Variants in NBEA observed in about 807,000 individuals in gnomAD.
The protein encoded by NBEA is neurobeachin.
A neutral mutation model predicts 343.4 loss-of-function variants in NBEA; 44 were observed. That is an observed-to-expected ratio of 0.13 (90% CI 0.10 to 0.16). The LOEUF (loss-of-function observed/expected upper bound fraction) is 0.16, where lower values mean the gene tolerates loss of function less well. Among genes scored for constraint, NBEA ranks in the 10% least tolerant of loss-of-function variants. The pLI, the probability that NBEA is intolerant of heterozygous loss-of-function variation, is 1.00. For synonymous variants in NBEA, 1,175 were observed against 1,238.7 expected (o/e 0.95, Z 1.08); for missense variants, 2,555 against 3,631.3 (o/e 0.70, Z 7.62).
In NBEA at chr13:35,050,309, G is replaced by C; in HGVS notation, c.886G>C (p.Val296Leu). The C allele has an allele frequency of 6.2e-7, 1 of 1,608,996 alleles. No homozygotes were observed. The highest frequency in any genetic ancestry group is 8.5e-7 in the Non-Finnish European group (1 of 1,177,990). Reference sequence around the variant, plus strand: ...AGGAGTTGGTTACTCTGCTCATTTTGTTGGCAACTGTTTAATAGTCACATC... The same window carrying C: ...AGGAGTTGGTTACTCTGCTCATTTTCTTGGCAACTGTTTAATAGTCACATC... ...SKGVGYSAHFVGNCLIVTSLK... is the reference protein window; with the variant it reads ...SKGVGYSAHFLGNCLIVTSLK... The change falls in exon 6 of 59, where the codon GTT becomes CTT. Residue 296 changes from valine (V) to leucine (L), a missense_variant. Coordinates refer to ENST00000379939, the MANE Select transcript of NBEA (RefSeq NM_001385012.1).
At chr13:35,026,304 G>C (rs1271737178) in intron 1 of NBEA, among the ~76,000 whole-genome samples, 2 of 152,080 alleles carry the variant, frequency 1.3e-5, no homozygotes, top group Non-Finnish European at 2.9e-5. Context: ...CCAGTCTCAG[G>C]TATTTCTTCA....
intron 28 of NBEA, among the ~76,000 whole-genome samples, chr13:35,181,086 G>T (rs2071283955): frequency 6.6e-6 from 1 of 151,852 alleles, no homozygotes; most frequent in Admixed American, 6.6e-5. Context: ...ATGGGCATTT[G>T]TGCTGGTTCC....
intron 41 of NBEA, among the ~76,000 whole-genome samples, chr13:35,496,264 G>C (rs1473175235): frequency 6.6e-6 from 1 of 151,904 alleles, no homozygotes; most frequent in East Asian, 1.9e-4. Flanking sequence ...AGAGTGACTA[G>C]AGTCACATGC....
chr13:35,632,997 A>T (rs1021659077), intron 49 of NBEA, among the ~76,000 whole-genome samples: 12 of 150,130 alleles, frequency 8.0e-5, no homozygotes, highest in Middle Eastern at 3.4e-3. Context: ...AAAGGCTTCA[A>T]TGAAGCAAGT....
intron 11 of NBEA, among the ~76,000 whole-genome samples, chr13:35,107,561 C>T (rs1461526921): frequency 1.3e-5 from 2 of 152,000 alleles, no homozygotes; most frequent in Non-Finnish European, 2.9e-5. Flanking sequence ...CTTCCATGAA[C>T]TTAGTAACCT....
chr13:35,340,550 A>T (rs2039531298), intron 36 of NBEA, among the ~76,000 whole-genome samples: 1 of 152,100 alleles, frequency 6.6e-6, no homozygotes, highest in African/African-American at 2.4e-5. Flanking sequence ...GATATTAGTG[A>T]TAGTAGCAAA....
At chr13:34,976,166 A>C (rs533707946) in intron 1 of NBEA, among the ~76,000 whole-genome samples, 7 of 152,302 alleles carry the variant, frequency 4.6e-5, no homozygotes, top group African/African-American at 1.7e-4. Context: ...AAAATATGGA[A>C]TCCTCCCAAG....
chr13:35,247,693 C>T (rs1436832967), intron 34 of NBEA, among the ~76,000 whole-genome samples: 1 of 152,050 alleles, frequency 6.6e-6, no homozygotes, highest in Non-Finnish European at 1.5e-5. Context: ...TGGATTCTCT[C>T]GGCTTTCTTG....
chr13:35,140,873 A>G (rs2152694291), intron 17 of NBEA, among the ~76,000 whole-genome samples: 1 of 152,290 alleles, frequency 6.6e-6, no homozygotes, highest in East Asian at 1.9e-4. Flanking sequence ...AGGTTTTCCC[A>G]AGCAGTTGAT....
At chr13:35,185,217 A>G (rs1375547004) in intron 30 of NBEA, 1 of 152,178 alleles carries the variant, frequency 6.6e-6, no homozygotes, top group East Asian at 1.9e-4. Flanking sequence ...AGCCAGCAAG[A>G]AAGTGGGGAC....
intron 48 of NBEA, among the ~76,000 whole-genome samples, chr13:35,617,429 T>A (rs2082784244): frequency 6.6e-6 from 1 of 152,212 alleles, no homozygotes; most frequent in South Asian, 2.1e-4. Context: ...ATTGTTTCTG[T>A]GTTGTGCTTC....
chr13:35,124,243 T>C (rs1308840965), intron 17 of NBEA, among the ~76,000 whole-genome samples: 1 of 149,972 alleles, frequency 6.7e-6, no homozygotes, highest in Non-Finnish European at 1.5e-5. Flanking sequence ...AGAACCTCAT[T>C]TTCGCCCTTG....
At chr13:35,478,110 A>C (rs967360168) in intron 41 of NBEA, among the ~76,000 whole-genome samples, 1 of 152,186 alleles carries the variant, frequency 6.6e-6, no homozygotes, top group African/African-American at 2.4e-5. Flanking sequence ...TTAACAAGAT[A>C]TTCTTCAGGG....
chr13:35,602,887 C>A (rs1384326478), intron 47 of NBEA, among the ~76,000 whole-genome samples: 1 of 152,096 alleles, frequency 6.6e-6, no homozygotes, highest in African/African-American at 2.4e-5. Context: ...TGGTGGAGGC[C>A]AGCTGTTAGT....
chr13:35,276,965 G>C (rs569280250), intron 34 of NBEA, among the ~76,000 whole-genome samples: 3 of 151,964 alleles, frequency 2.0e-5, no homozygotes, highest in Non-Finnish European at 4.4e-5. Flanking sequence ...TTTAGAGAAC[G>C]GTTTACTTTT....
intron 10 of NBEA, among the ~76,000 whole-genome samples, chr13:35,073,876 A>T (rs1286319679): frequency 6.6e-6 from 1 of 152,136 alleles, no homozygotes; most frequent in African/African-American, 2.4e-5. Context: ...CAGGAGGTGG[A>T]GGTTGCCATC....
intron 36 of NBEA, among the ~76,000 whole-genome samples, chr13:35,339,744 G>C (rs1038574045): frequency 1.3e-5 from 2 of 152,088 alleles, no homozygotes; most frequent in African/African-American, 4.8e-5. Flanking sequence ...GAGCAAGAGA[G>C]AGGTGGGAGG....
At chr13:35,593,813 T>G (rs905682256) in intron 47 of NBEA, among the ~76,000 whole-genome samples, 5 of 152,126 alleles carry the variant, frequency 3.3e-5, no homozygotes, top group Non-Finnish European at 7.4e-5. Flanking sequence ...TGTTATAGCT[T>G]GCCTGGCTTG....
intron 2 of NBEA, among the ~76,000 whole-genome samples, chr13:35,042,762 A>C (rs1247897142): frequency 6.6e-6 from 1 of 151,838 alleles, no homozygotes; most frequent in Admixed American, 6.6e-5. Context: ...ATATGAGAAA[A>C]GAGAATAAAT....
Sources: allele counts gnomAD v4.1 joint callset (sites outside exome capture counted in the v4.1 genomes callset), GRCh38; gene constraint gnomAD v4.1.1; transcripts MANE v1.5; gene names NCBI Gene and HGNC (gene_info 2026-07-23, HGNC 2026-07-21).